The following TRA2A variants were observed in gnomAD, a reference collection of about 807,000 sequenced individuals.
TRA2A encodes the protein transformer-2 protein homolog alpha.
A neutral mutation model predicts 45.7 loss-of-function variants in TRA2A; 31 were observed. The ratio of observed to expected loss-of-function variants is 0.68; its 90% CI spans 0.51 to 0.92. The LOEUF (loss-of-function observed/expected upper bound fraction) is 0.92, where lower values mean the gene tolerates loss of function less well. Among genes scored for constraint, TRA2A ranks in the 40% least tolerant of loss-of-function variants. The pLI is 0.00. For missense variants in TRA2A, 304 were observed against 367.5 expected (o/e 0.83, Z 1.41); for synonymous variants, 132 against 126.2 (o/e 1.05, Z -0.31).
intron 1 of TRA2A, among the ~76,000 whole-genome samples, chr7:23,530,025 A>G (rs921463045): frequency 6.6e-6 from 1 of 152,148 alleles, no homozygotes; most frequent in African/African-American, 2.4e-5. Flanking sequence ...AGGTCCCTCC[A>G]GTAGTCCTCT....
chr7:23,511,370 CAAAAAAAAAAAAAAAAAAAAAAAA>C (rs567187750), intron 4 of TRA2A, among the ~76,000 whole-genome samples: 24 of 40,114 alleles, frequency 6.0e-4, no homozygotes, highest in East Asian at 2.8e-3. Context: ...GACTCCATCT[CAAAAAAAAAAAAAAAAAAAAAAAA>C]AAAAAAAAAA....
chr7:23,522,530 G>GTT (rs1772497970), intron 1 of TRA2A: 3 of 264,506 alleles, frequency 1.1e-5, no homozygotes, highest in South Asian at 1.9e-4. Flanking sequence ...AAAGCCAGCA[G>GTT]GTAAAGTGCA....
At chr7:23,521,676 A>G (rs1562798012) in intron 2 of TRA2A, 31 bp downstream of exon 2, 3 of 1,606,650 alleles carry the variant, frequency 1.9e-6, no homozygotes, top group African/African-American at 2.7e-5. Context: ...CCCCAGAAGA[A>G]TATTTTAAGT....
intron 1 of TRA2A, among the ~76,000 whole-genome samples, chr7:23,524,638 G>C (rs775251068): frequency 6.6e-6 from 1 of 151,668 alleles, no homozygotes; most frequent in Non-Finnish European, 1.5e-5. Flanking sequence ...GCTAAAAACA[G>C]TCCTCTTAGC....
chr7:23,518,952 T>G (rs1170718302), intron 2 of TRA2A, among the ~76,000 whole-genome samples: 1 of 152,052 alleles, frequency 6.6e-6, no homozygotes, highest in Non-Finnish European at 1.5e-5. Context: ...GCTCCCAAAG[T>G]GCTGGGGTTA....
chr7:23,514,670 C>G lies in TRA2A; in HGVS notation c.337-1588G>C, dbSNP rs559346019. ...AGTTTACTGGCCTGATCATGGCTCA[C>G]TGCAGCCTTGGCCTCCTTGGGCTCA... On this transcript the variant is annotated intron_variant, in intron 3 of 7. Transcript: ENST00000297071. Among the ~76,000 whole-genome samples the G allele has an allele frequency of 5.3e-5, 8 of 152,170 alleles. No homozygotes were observed. In the East Asian group the frequency reaches 1.5e-3, roughly 29 times the overall value.
chr7:23,528,744 T>A (rs1057132014), intron 1 of TRA2A, among the ~76,000 whole-genome samples: 1 of 151,794 alleles, frequency 6.6e-6, no homozygotes, highest in East Asian at 1.9e-4. Context: ...CTCGGCTCAC[T>A]GCAACCTCTG....
At chr7:23,513,686 T>C (rs180858811) in intron 3 of TRA2A, among the ~76,000 whole-genome samples, 195 of 152,188 alleles carry the variant, frequency 1.3e-3, no homozygotes, top group African/African-American at 4.5e-3. Context: ...TTTTATTTTC[T>C]GTAGAAAGGG....
At chr7:23,522,480 A>C (rs1277629421) in intron 1 of TRA2A, 3 of 928,172 alleles carry the variant, frequency 3.2e-6, no homozygotes, top group African/African-American at 1.8e-5. Flanking sequence ...TGGGGATTAT[A>C]AAACTCTGCT....
Position 23,516,455 on chromosome 7 carries a change from A to T in TRA2A, c.244T>A (p.Ser82Thr). 6.2e-7 allele frequency: 1 copy of T among 1,614,230 alleles called. No homozygotes were observed. The highest frequency in any genetic ancestry group is 1.1e-5 in the South Asian group (1 of 91,090). Reference protein sequence around the residue: ...RSHSHSHRRRSRSRSYTPEYR... With the variant: ...RSHSHSHRRRTRSRSYTPEYR... Reference sequence around the variant, plus strand: ...TCTGGTGTATATGATCTACTTCGAGATCGTCTCCTATGAGAGTGAGAGTGG... The same window carrying T: ...TCTGGTGTATATGATCTACTTCGAGTTCGTCTCCTATGAGAGTGAGAGTGG... Residue 82 changes from serine to threonine, a missense_variant, in exon 3 of 8, where the codon TCT becomes ACT. By Grantham distance (58) the Ser-to-Thr change is moderately conservative (BLOSUM62 1). Coordinates refer to ENST00000297071, the MANE Select transcript of TRA2A (RefSeq NM_013293.5).
chr7:23,507,328 C>T (rs1789388733), intron 5 of TRA2A, 92 bp downstream of exon 5: 7 of 1,005,046 alleles, frequency 7.0e-6, no homozygotes, highest in Admixed American at 4.0e-5. Context: ...AGAATCAATT[C>T]TAATTATAGG....
intron 2 of TRA2A, among the ~76,000 whole-genome samples, chr7:23,520,169 T>C (rs1378892775): frequency 6.6e-6 from 1 of 152,192 alleles, no homozygotes; most frequent in Non-Finnish European, 1.5e-5. Flanking sequence ...TGAGCCAAGA[T>C]CGTGCCACTG....
At chr7:23,517,503 A>AAAAAAAAAAAAAAAGAG (rs764849438) in intron 2 of TRA2A, among the ~76,000 whole-genome samples, 37 of 116,244 alleles carry the variant, frequency 3.2e-4, no homozygotes, top group East Asian at 1.0e-3. Flanking sequence ...AAAAAAAAAA[A>AAAAAAAAAAAAAAAGAG]AGAGAGAAAG....
intron 3 of TRA2A, among the ~76,000 whole-genome samples, chr7:23,515,030 T>A (rs1200603633): frequency 6.6e-6 from 1 of 152,128 alleles, no homozygotes; most frequent in Non-Finnish European, 1.5e-5. Flanking sequence ...AGACTCAATT[T>A]TTTTTATATA....
chr7:23,527,068 A>G (rs1191636541), intron 1 of TRA2A, among the ~76,000 whole-genome samples: 1 of 152,090 alleles, frequency 6.6e-6, no homozygotes, highest in East Asian at 1.9e-4. Flanking sequence ...ATAAGTGGCA[A>G]TTTCAAAGGT....
At chr7:23,514,725 A>G (rs1403446288) in intron 3 of TRA2A, among the ~76,000 whole-genome samples, 6 of 152,092 alleles carry the variant, frequency 3.9e-5, no homozygotes, top group African/African-American at 1.4e-4. Context: ...CCTCCCAAGT[A>G]GTCGGGATTA....
At chr7:23,513,626 G>C (rs530187980) in intron 3 of TRA2A, among the ~76,000 whole-genome samples, 1 of 152,072 alleles carries the variant, frequency 6.6e-6, no homozygotes, top group Admixed American at 6.6e-5. Flanking sequence ...TTTGTTTCTC[G>C]GTGTTGTAAA....
intron 4 of TRA2A, among the ~76,000 whole-genome samples, chr7:23,509,095 C>T (rs113393001): frequency 0.051 from 7,696 of 152,234 alleles, 262 homozygotes; most frequent in Non-Finnish European, 0.074. Context: ...AATCCTCTTG[C>T]CAAAGTGCTG....
intron 4 of TRA2A, among the ~76,000 whole-genome samples, chr7:23,508,188 A>G (rs146752513): frequency 1.3e-5 from 2 of 152,078 alleles, no homozygotes; most frequent in African/African-American, 4.8e-5. Context: ...TGAACTAATA[A>G]AAGTATAATA....
Sources: allele counts gnomAD v4.1 joint callset (sites outside exome capture counted in the v4.1 genomes callset), GRCh38; gene constraint gnomAD v4.1.1; transcripts MANE v1.5; gene names NCBI Gene and HGNC (gene_info 2026-07-23, HGNC 2026-07-21).